Variants in CLDN16 observed in about 807,000 individuals in gnomAD.
CLDN16 encodes claudin-16.
CLDN16 carries 13 observed loss-of-function variants against 24.6 expected under a neutral mutation model. The ratio of observed to expected loss-of-function variants is 0.53; its 90% CI spans 0.34 to 0.84. The LOEUF is 0.84. Among genes scored for constraint, CLDN16 ranks in the 40% least tolerant of loss-of-function variants. The probability of loss-of-function intolerance (pLI) is 0.01; values close to 1 mark genes in which losing one functional copy is unlikely to be tolerated. For missense variants in CLDN16, 298 were observed against 292.7 expected (o/e 1.02, Z -0.13); for synonymous variants, 116 against 106.7 (o/e 1.09, Z -0.54).
At chr3:190,409,218 ACG>A (rs1719199262) in intron 4 of CLDN16, among the ~76,000 whole-genome samples, 1 of 152,020 alleles carries the variant, frequency 6.6e-6, no homozygotes, top group Admixed American at 6.5e-5. Context: ...ATATGCACAC[ACG>A]TATATGCATG....
chr3:190,318,074 G>A (rs1236226212), upstream of CLDN16, among the ~76,000 whole-genome samples: 2 of 152,026 alleles, frequency 1.3e-5, no homozygotes, highest in South Asian at 2.1e-4. Flanking sequence ...TTACTTTTAC[G>A]GAAGTTCAAA....
At chr3:190,376,541 TA>T (rs1172286511) in intron 3 of CLDN16, among the ~76,000 whole-genome samples, 1 of 151,948 alleles carries the variant, frequency 6.6e-6, no homozygotes, top group East Asian at 1.9e-4. Flanking sequence ...AGAGTAATTT[TA>T]ACCAAAAGAG....
chr3:190,308,566 G>A, the CLDN16 span: 33 of 895,228 alleles, frequency 3.7e-5, no homozygotes, highest in African/African-American at 5.1e-4. Flanking sequence ...AATATCCCTT[G>A]GGAAGTACTT....
chr3:190,353,495 GT>G (rs1717709446), intron 1 of CLDN16, among the ~76,000 whole-genome samples: 6 of 151,962 alleles, frequency 3.9e-5, no homozygotes, highest in Admixed American at 2.0e-4. Flanking sequence ...TAATTATTTA[GT>G]TATGTCTATG....
In CLDN16 at chr3:190,402,399, C is replaced by A. The variant is rs766383362; in HGVS notation, c.177C>A (p.Arg59=). ...ECVTNAFDGI[R]TCDEYDSILA... Reference sequence around the variant, plus strand: ...TCACAAATGCTTTTGATGGGATTCGCACCTGTGATGAGTACGATTCCATAC... The same window carrying A: ...TCACAAATGCTTTTGATGGGATTCGAACCTGTGATGAGTACGATTCCATAC... Residue 59 remains arginine, a synonymous_variant, in exon 2 of 5, where the codon CGC becomes CGA. Coordinates refer to ENST00000264734, the MANE Select transcript of CLDN16 (RefSeq NM_006580.4). 6.2e-7 allele frequency: 1 copy of A among 1,614,010 alleles called. No individual in the cohort carries two copies. Among genetic ancestry groups the A allele is most frequent in the South Asian group, 1.1e-5 (1 of 91,076 alleles).
chr3:190,391,925 G>A (rs908469639), intron 1 of CLDN16, among the ~76,000 whole-genome samples: 1 of 152,128 alleles, frequency 6.6e-6, no homozygotes, highest in Non-Finnish European at 1.5e-5. Context: ...TTTGGGTTTT[G>A]AGATTTTTCA....
upstream of CLDN16, among the ~76,000 whole-genome samples, chr3:190,320,636 G>A (rs1384184595): frequency 6.6e-6 from 1 of 152,140 alleles, no homozygotes; most frequent in East Asian, 1.9e-4. Flanking sequence ...TTTGGAACAG[G>A]TTTAATAACT....
chr3:190,333,147 C>T (rs759654960), intron 1 of CLDN16, among the ~76,000 whole-genome samples: 3 of 152,106 alleles, frequency 2.0e-5, no homozygotes, highest in Non-Finnish European at 4.4e-5. Flanking sequence ...TTGTGGTAGA[C>T]ATTAGCATGT....
At chr3:190,375,176 T>A (rs1178891829) in intron 3 of CLDN16, among the ~76,000 whole-genome samples, 4 of 152,008 alleles carry the variant, frequency 2.6e-5, no homozygotes, top group African/African-American at 7.2e-5. Context: ...AGTGATAAGA[T>A]AACCCTACTT....
At chr3:190,360,380 G>A (rs1719378738) in intron 1 of CLDN16, among the ~76,000 whole-genome samples, 1 of 151,916 alleles carries the variant, frequency 6.6e-6, no homozygotes. Flanking sequence ...TTCATGTCAA[G>A]GTTTGGGTTT....
chr3:190,304,762 T>C, the CLDN16 span, among the ~76,000 whole-genome samples: 2 of 152,068 alleles, frequency 1.3e-5, no homozygotes, highest in African/African-American at 2.4e-5. Context: ...GAAGGAAATA[T>C]ACACAACCAG....
At chr3:190,353,808 A>G (rs928366473) in intron 1 of CLDN16, among the ~76,000 whole-genome samples, 3 of 152,102 alleles carry the variant, frequency 2.0e-5, no homozygotes, top group Non-Finnish European at 2.9e-5. Flanking sequence ...CCTGTTCTTA[A>G]CATTATTCAT....
intron 3 of CLDN16, among the ~76,000 whole-genome samples, chr3:190,382,995 G>C (rs61115147): frequency 6.6e-6 from 1 of 151,910 alleles, no homozygotes. Flanking sequence ...ACATAAGCTA[G>C]TGTAATAGGA....
intron 1 of CLDN16, among the ~76,000 whole-genome samples, chr3:190,327,933 T>TG (rs969693468): frequency 2.0e-5 from 3 of 152,276 alleles, no homozygotes; most frequent in Admixed American, 6.5e-5. Context: ...CTTGTTTTTT[T>TG]TGTGTGTGTT....
At position 190,350,345 on chromosome 3, in the gene CLDN16, TA is replaced by T. The variant is rs1375247934; in HGVS notation, n.122-20547del. On this transcript the variant is annotated intron_variant and non_coding_transcript_variant, in intron 1 of 4. Coordinates refer to the CLDN16 transcript ENST00000468220. ...GTTTAAGAATCATAGTTCATAATGT[TA>T]TATATATATATATATATATACTTTA... 1.3e-4 allele frequency among the ~76,000 whole-genome samples: 5 copies of T among 37,528 alleles called. No individual in the cohort carries two copies. In the South Asian group the frequency reaches 3.1e-3, roughly 23 times the overall value. 24.6% of individuals were successfully genotyped at this position (37,528 alleles called of 152,430 possible). A position where few individuals can be genotyped will look rare whatever the true frequency, so the allele number is the denominator to read the frequency against.
At chr3:190,336,599 T>C (rs1024310365) in intron 1 of CLDN16, among the ~76,000 whole-genome samples, 1 of 152,232 alleles carries the variant, frequency 6.6e-6, no homozygotes, top group African/African-American at 2.4e-5. Flanking sequence ...TAGCACAAGC[T>C]GTCCTACCAC....
chr3:190,353,590 C>A (rs1717711171), intron 1 of CLDN16, among the ~76,000 whole-genome samples: 1 of 151,996 alleles, frequency 6.6e-6, no homozygotes, highest in Admixed American at 6.6e-5. Context: ...TCTTACATGG[C>A]TTTATTTTAA....
intron 1 of CLDN16, among the ~76,000 whole-genome samples, chr3:190,362,307 C>T (rs1008731696): frequency 1.5e-4 from 23 of 151,982 alleles, no homozygotes; most frequent in African/African-American, 5.3e-4. Context: ...CTCATTCCAT[C>T]GAACAGCTGA....
At chr3:190,322,423 G>C, upstream of CLDN16, 1 of 589,808 alleles carries the variant, frequency 1.7e-6, no homozygotes, top group Non-Finnish European at 3.0e-6. Context: ...AGCTGCGGTT[G>C]CTCCCAGGCT....
Sources: gnomAD v4.1 joint callset for allele counts (sites outside exome capture counted in the v4.1 genomes callset) on GRCh38, gnomAD v4.1.1 for gene constraint, MANE v1.5 for transcripts, NCBI Gene and HGNC (gene_info 2026-07-23, HGNC 2026-07-21) for gene names.